Variants in FMNL2 observed in about 807,000 individuals in gnomAD.
The protein encoded by FMNL2 is formin like 2.
FMNL2 carries 51 observed loss-of-function variants against 130.2 expected under a neutral mutation model. The observed-to-expected ratio is 0.39, with a 90% CI of 0.31 to 0.49. The LOEUF is 0.49. Ranked by LOEUF, FMNL2 falls within the 20% of genes least tolerant of loss-of-function variation. FMNL2 has a pLI of 0.85. For missense variants in FMNL2, 977 were observed against 1,316.2 expected (o/e 0.74, Z 3.99); for synonymous variants, 465 against 467.1 (o/e 1.00, Z 0.06).
intron 25 of FMNL2, chr2:152,645,477 G>A (rs1258897763): frequency 2.3e-6 from 3 of 1,289,952 alleles, no homozygotes; most frequent in Non-Finnish European, 3.0e-6. Context: ...ATGTTCACTC[G>A]AGGGTAAGGA....
At chr2:152,478,054 C>A (rs1343332865) in intron 1 of FMNL2, among the ~76,000 whole-genome samples, 1 of 151,550 alleles carries the variant, frequency 6.6e-6, no homozygotes, top group Admixed American at 6.6e-5. Flanking sequence ...ATAGCAGAAT[C>A]TTTGTTACCC....
At chr2:152,340,581 CT>C (rs1199335254) in intron 1 of FMNL2, among the ~76,000 whole-genome samples, 5 of 152,208 alleles carry the variant, frequency 3.3e-5, no homozygotes, top group African/African-American at 1.2e-4. Flanking sequence ...AATACCTTGG[CT>C]GAAAAGTTTG....
At chr2:152,574,141 A>G (rs753027155) in intron 6 of FMNL2, among the ~76,000 whole-genome samples, 8 of 152,218 alleles carry the variant, frequency 5.3e-5, no homozygotes, top group Non-Finnish European at 8.8e-5. Flanking sequence ...TACACCTCTT[A>G]AGAAACACAA....
intron 1 of FMNL2, among the ~76,000 whole-genome samples, chr2:152,513,302 T>C (rs1258244551): frequency 6.6e-6 from 1 of 152,178 alleles, no homozygotes; most frequent in African/African-American, 2.4e-5. Context: ...TTTTTTAGTG[T>C]GTGTGGTGAG....
chr2:152,335,750 G>C, intron 1 of FMNL2, 30 bp downstream of exon 1: 1 of 1,524,162 alleles, frequency 6.6e-7, no homozygotes, highest in Non-Finnish European at 8.8e-7. Flanking sequence ...CGGGCGCGGG[G>C]ACCCGGGGCC....
chr2:152,388,592 G>C (rs1263008391), intron 1 of FMNL2, among the ~76,000 whole-genome samples: 1 of 151,990 alleles, frequency 6.6e-6, no homozygotes, highest in Non-Finnish European at 1.5e-5. Flanking sequence ...ACATTTGGGT[G>C]GGGACACAGC....
chr2:152,600,156 T>C (rs116812778), intron 9 of FMNL2, among the ~76,000 whole-genome samples: 1,608 of 152,284 alleles, frequency 0.011, 34 homozygotes, highest in African/African-American at 0.036. Context: ...AACAGAACTT[T>C]TGTTCTCAGG....
At chr2:152,516,925 G>A (rs954479148) in intron 1 of FMNL2, among the ~76,000 whole-genome samples, 2 of 151,984 alleles carry the variant, frequency 1.3e-5, no homozygotes, top group African/African-American at 2.4e-5. Context: ...TTATTTTCTA[G>A]TTATAATTTC....
rs751520172 is a variant in FMNL2 at position 152,640,916 on chromosome 2, TAA to T, written c.3169+5_3169+6del. 6.2e-7 allele frequency: 1 copy of T among 1,613,522 alleles called. No individual in the cohort carries two copies. The highest frequency in any genetic ancestry group is 8.5e-7 in the Non-Finnish European group (1 of 1,179,612). ...GTGCCATTGAAGATATTATCACAGG[TAA>T]AAGATATTTCTTCACTGTGGCCCAT... On this transcript the variant is annotated splice_donor_region_variant and intron_variant, in intron 25 of 25. Transcript: ENST00000288670.
At chr2:152,385,508 G>T (rs960433559) in intron 1 of FMNL2, among the ~76,000 whole-genome samples, 4 of 152,208 alleles carry the variant, frequency 2.6e-5, no homozygotes, top group Non-Finnish European at 5.9e-5. Flanking sequence ...GCCGTGATTA[G>T]AACCATGCCC....
intron 1 of FMNL2, among the ~76,000 whole-genome samples, chr2:152,354,423 A>G (rs1274994307): frequency 1.3e-5 from 2 of 152,230 alleles, no homozygotes. Flanking sequence ...TTTTAAATCA[A>G]GAATACGGTG....
intron 1 of FMNL2, among the ~76,000 whole-genome samples, chr2:152,347,128 T>C (rs1682172379): frequency 1.3e-5 from 2 of 152,096 alleles, no homozygotes; most frequent in African/African-American, 4.8e-5. Context: ...CCAGACACAG[T>C]TGCAACCAAC....
At chr2:152,487,868 A>G (rs1452843083) in intron 1 of FMNL2, among the ~76,000 whole-genome samples, 3 of 151,624 alleles carry the variant, frequency 2.0e-5, no homozygotes, top group Middle Eastern at 3.4e-3. Flanking sequence ...GCTCACTGCA[A>G]CCTCCATCTC....
intron 1 of FMNL2, among the ~76,000 whole-genome samples, chr2:152,429,233 A>T (rs1468806543): frequency 1.3e-5 from 2 of 148,184 alleles, no homozygotes; most frequent in African/African-American, 5.0e-5. Flanking sequence ...AAAAAAAAAA[A>T]AGAAAGAAAA....
intron 8 of FMNL2, among the ~76,000 whole-genome samples, chr2:152,579,994 GAACT>G (rs1450706182): frequency 1.3e-5 from 2 of 152,142 alleles, no homozygotes; most frequent in African/African-American, 4.8e-5. Flanking sequence ...AATGCAACAC[GAACT>G]ATCAAGTCCT....
At chr2:152,642,137 T>A (rs1396698787) in intron 25 of FMNL2, among the ~76,000 whole-genome samples, 1 of 152,160 alleles carries the variant, frequency 6.6e-6, no homozygotes, top group Non-Finnish European at 1.5e-5. Flanking sequence ...AGATGGGGTT[T>A]CACCGTGTTA....
chr2:152,479,843 T>C (rs376685336), intron 1 of FMNL2, among the ~76,000 whole-genome samples: 12 of 151,426 alleles, frequency 7.9e-5, no homozygotes, highest in African/African-American at 2.7e-4. Flanking sequence ...CCCGAGTAGC[T>C]GGCACTACAG....
At chr2:152,563,254 G>A (rs1431454947) in intron 6 of FMNL2, among the ~76,000 whole-genome samples, 1 of 152,180 alleles carries the variant, frequency 6.6e-6, no homozygotes, top group Non-Finnish European at 1.5e-5. Flanking sequence ...TGGCAGGTGT[G>A]CTTGAAGATG....
chr2:152,624,085 CTTCGCCT>C (rs1681591475), intron 15 of FMNL2, among the ~76,000 whole-genome samples: 9 of 18,576 alleles, frequency 4.8e-4, no homozygotes, highest in Admixed American at 9.4e-4. Context: ...ACTCAATTCC[CTTCGCCT>C]CCCCTCCCCT....
Sources: gnomAD v4.1 joint callset for allele counts (sites outside exome capture counted in the v4.1 genomes callset) on GRCh38, gnomAD v4.1.1 for gene constraint, MANE v1.5 for transcripts, NCBI Gene and HGNC (gene_info 2026-07-23, HGNC 2026-07-21) for gene names.